Variants in RBFOX1 observed in about 807,000 individuals in gnomAD.
RBFOX1 encodes the protein RNA binding protein fox-1 homolog 1.
In RBFOX1, 8 loss-of-function variants were observed where a neutral mutation model predicts 57.7. The observed-to-expected ratio is 0.14, with a 90% CI of 0.08 to 0.25. The LOEUF (loss-of-function observed/expected upper bound fraction) is 0.25, where lower values mean the gene tolerates loss of function less well. Among genes scored for constraint, RBFOX1 ranks in the 10% least tolerant of loss-of-function variants. RBFOX1 has a pLI of 1.00. For missense variants in RBFOX1, 611 were observed against 548.5 expected (o/e 1.11, Z -1.14); for synonymous variants, 326 against 222.4 (o/e 1.47, Z -4.15).
intron 3 of RBFOX1, among the ~76,000 whole-genome samples, chr16:6,803,218 C>A (rs890698085): frequency 1.3e-5 from 2 of 152,026 alleles, no homozygotes; most frequent in Non-Finnish European, 2.9e-5. Context: ...TTCACTTGAC[C>A]CTCATTGCCT....
In RBFOX1 at chr16:6,955,768, A is replaced by G. The variant is rs146995392; in HGVS notation, c.-15-96289A>G. Among the ~76,000 whole-genome samples, 1,134 of 152,012 alleles carry G rather than the reference A, an allele frequency of 7.5e-3. 13 individuals are homozygous for G. Among genetic ancestry groups the G allele is most frequent in the Non-Finnish European group, 0.013 (858 of 67,990 alleles). ...CCCCAAGCTGGAGTGCAGTGCCGCT[A>G]TCTTGGGGCTCACTGCAACCTCCAT... is the stretch of plus-strand genomic sequence containing the variant. On this transcript the variant is annotated intron_variant, in intron 3 of 15. Coordinates refer to ENST00000550418, the MANE Select transcript of RBFOX1 (RefSeq NM_018723.4).
In RBFOX1 at chr16:7,415,240, G is replaced by A. The variant is rs566054241; in HGVS notation, c.28-102907G>A. ...GGAACTGAGTGTCTGGGGTATTAAG[G>A]TTTTCTCAGATGATGCATCTGATAT... On this transcript the variant is annotated intron_variant, in intron 4 of 15. Transcript: ENST00000550418. 7.2e-5 allele frequency among the ~76,000 whole-genome samples: 11 copies of A among 152,298 alleles called. No individual in the cohort carries two copies. The South Asian group carries it at 1.7e-3, about 23-fold the overall frequency.
intron 4 of RBFOX1, among the ~76,000 whole-genome samples, chr16:7,347,789 C>T (rs1195342064): frequency 1.3e-5 from 2 of 152,134 alleles, no homozygotes. Context: ...CATGTATTTG[C>T]AGCCCGTTCA....
intron 1 of RBFOX1, among the ~76,000 whole-genome samples, chr16:5,346,442 C>G (rs897564219): frequency 2.0e-5 from 3 of 152,136 alleles, no homozygotes; most frequent in African/African-American, 7.2e-5. Context: ...TGAACCACGT[C>G]TCAAGGGATG....
chr16:6,981,327 C>G (rs926181871), intron 3 of RBFOX1, among the ~76,000 whole-genome samples: 29 of 151,978 alleles, frequency 1.9e-4, no homozygotes, highest in Non-Finnish European at 7.4e-5. Flanking sequence ...TCCATGTGTT[C>G]TCATTATTTA....
chr16:7,022,867 A>G lies in RBFOX1; in HGVS notation c.-15-29190A>G, dbSNP rs115743483. Among the ~76,000 whole-genome samples the G allele has an allele frequency of 5.5e-3, 838 of 152,308 alleles. 4 individuals carry two copies. The highest frequency in any genetic ancestry group is 0.016 in the African/African-American group (649 of 41,584). On this transcript the variant is annotated intron_variant, in intron 3 of 15. Coordinates refer to ENST00000550418, the MANE Select transcript of RBFOX1 (RefSeq NM_018723.4). ...CAGAGAATTTGAACAACTGCCTCCA[A>G]TGTTCACACAGCTAGAATGCTGCAG...
At position 6,355,763 on chromosome 16, in the gene RBFOX1, A is replaced by T. The variant is rs536406075; in HGVS notation, c.-64+38706A>T. ...TACACTCCCACCAACAGTGTAAAAG[A>T]GTTCCTATTTCTCCACATCCTCTCC... On this transcript the variant is annotated intron_variant, in intron 2 of 15. Transcript: ENST00000550418. 4.4e-3 allele frequency among the ~76,000 whole-genome samples: 671 copies of T among 152,288 alleles called. 5 individuals are homozygous for T. Among genetic ancestry groups the T allele is most frequent in the Admixed American group, 6.1e-3 (93 of 15,288 alleles).
intron 4 of RBFOX1, among the ~76,000 whole-genome samples, chr16:7,399,887 A>T (rs918167338): frequency 2.0e-5 from 3 of 152,236 alleles, no homozygotes; most frequent in African/African-American, 7.2e-5. Context: ...ATGGAGAAAC[A>T]GTTCATTTTA....
chr16:5,386,465 C>G (rs1159069155), intron 1 of RBFOX1, among the ~76,000 whole-genome samples: 3 of 152,166 alleles, frequency 2.0e-5, no homozygotes, highest in African/African-American at 7.2e-5. Context: ...GAAGCCAAAG[C>G]TGTCAGCTTC....
intron 4 of RBFOX1, among the ~76,000 whole-genome samples, chr16:7,140,477 T>C (rs780614555): frequency 6.6e-6 from 1 of 152,106 alleles, no homozygotes; most frequent in Non-Finnish European, 1.5e-5. Flanking sequence ...AAATGATTTC[T>C]TCAATTTATT....
Position 6,138,386 on chromosome 16 carries a change from C to T in RBFOX1, c.-127+118394C>T, listed in dbSNP as rs114575661. 5.8e-3 allele frequency among the ~76,000 whole-genome samples: 876 copies of T among 152,304 alleles called. 11 individuals carry two copies. The highest frequency in any genetic ancestry group is 0.02 in the African/African-American group (840 of 41,556). On this transcript the variant is annotated intron_variant, in intron 1 of 15. Coordinates refer to ENST00000550418, the MANE Select transcript of RBFOX1 (RefSeq NM_018723.4). ...CTTTAGAGGCTCATAAGGCTGAAGT[C>T]AACGTGTCAGCCTGGTTGGGTTCAC...
rs113741276 is a variant in RBFOX1, at chr16:5,622,362, C to G, written c.318+23401C>G. Among the ~76,000 whole-genome samples the G allele has an allele frequency of 8.8e-3, 1,343 of 152,276 alleles. 22 individuals are homozygous for G. The highest frequency in any genetic ancestry group is 0.031 in the African/African-American group (1,276 of 41,546). On this transcript the variant is annotated intron_variant, in intron 3 of 19. Transcript: ENST00000641259. ...TATGTTTAGTGTCTGTCTTTTCCAC[C>G]AGAATGTAGGTTCCATGGGGTAAGG... is the stretch of plus-strand genomic sequence containing the variant.
intron 3 of RBFOX1, among the ~76,000 whole-genome samples, chr16:6,931,490 T>C (rs1007707653): frequency 3.3e-5 from 5 of 152,138 alleles, no homozygotes; most frequent in African/African-American, 1.2e-4. Flanking sequence ...TAGAACCTAC[T>C]ACATCAATGA....
chr16:5,292,064 C>G (rs1441425286), intron 1 of RBFOX1, among the ~76,000 whole-genome samples: 2 of 151,836 alleles, frequency 1.3e-5, no homozygotes, highest in African/African-American at 2.4e-5. Flanking sequence ...GTTTTTTGAC[C>G]TAATTTATCA....
intron 4 of RBFOX1, among the ~76,000 whole-genome samples, chr16:7,171,335 T>C (rs977002639): frequency 6.6e-6 from 1 of 152,200 alleles, no homozygotes; most frequent in Admixed American, 6.5e-5. Flanking sequence ...CTGTGAGGGT[T>C]CAGTGGGAAA....
chr16:7,678,951 G>C (rs764362999), intron 14 of RBFOX1, among the ~76,000 whole-genome samples: 12 of 152,118 alleles, frequency 7.9e-5, no homozygotes, highest in Non-Finnish European at 1.8e-4. Context: ...TAATACTGTT[G>C]TCCATATAAT....
chr16:6,848,773 C>G (rs536976692), intron 3 of RBFOX1, among the ~76,000 whole-genome samples: 3 of 152,100 alleles, frequency 2.0e-5, no homozygotes, highest in Admixed American at 1.3e-4. Flanking sequence ...AGAAGAAACT[C>G]AGCAGGCAGC....
At chr16:7,123,689 G>T (rs1356747716) in intron 4 of RBFOX1, among the ~76,000 whole-genome samples, 1 of 152,150 alleles carries the variant, frequency 6.6e-6, no homozygotes, top group East Asian at 1.9e-4. Context: ...AAAGCCATAT[G>T]TTAGGAGCTA....
chr16:6,966,773 ATCTATCTATCTATCTATCTGTCTG>A (rs1186599434), intron 3 of RBFOX1, among the ~76,000 whole-genome samples: 3 of 23,776 alleles, frequency 1.3e-4, no homozygotes, highest in African/African-American at 1.8e-4. Context: ...CTATCTATCT[ATCTATCTATCTATCTATCTGTCTG>A]TCTGTCTGTC....
Sources: allele counts gnomAD v4.1 joint callset (sites outside exome capture counted in the v4.1 genomes callset), GRCh38; gene constraint gnomAD v4.1.1; transcripts MANE v1.5; gene names NCBI Gene and HGNC (gene_info 2026-07-23, HGNC 2026-07-21).